Variants in FAM120C observed in about 807,000 individuals in gnomAD.
FAM120C encodes constitutive coactivator of PPAR-gamma-like protein 2.
A neutral mutation model predicts 71.2 loss-of-function variants in FAM120C; 14 were observed. The observed-to-expected ratio is 0.20, with a 90% CI of 0.13 to 0.31. The LOEUF (loss-of-function observed/expected upper bound fraction) is 0.31. Ranked by LOEUF, FAM120C falls within the 10% of genes least tolerant of loss-of-function variation. FAM120C has a pLI of 1.00. For missense variants in FAM120C, 500 were observed against 879.0 expected, an observed-to-expected ratio of 0.57 and a Z score of 5.45; for synonymous variants, 354 against 353.2, an observed-to-expected ratio of 1.00 and a Z score of -0.03.
chrX:54,172,726 TC>T (rs1352931059), intron 1 of FAM120C, among the ~76,000 whole-genome samples: 2 of 111,277 alleles, frequency 1.8e-5, no homozygotes, highest in African/African-American at 6.5e-5. Context: ...TTGAAATGGA[TC>T]CATAAGCTCC....
intron 15 of FAM120C, 62 bp downstream of exon 15, chrX:54,080,170 G>T: frequency 1.0e-6 from 1 of 980,290 alleles, no homozygotes; most frequent in Non-Finnish European, 1.5e-6. Context: ...ATCTCTTTTA[G>T]TTTAGCTGAA....
intron 13 of FAM120C, among the ~76,000 whole-genome samples, chrX:54,083,348 T>A (rs1414503466): frequency 1.9e-5 from 2 of 108,019 alleles, no homozygotes; most frequent in East Asian, 5.8e-4. Flanking sequence ...ACACCTGTAA[T>A]CCCAGCACTT....
chrX:54,163,957 G>C (rs1376804080), intron 1 of FAM120C, among the ~76,000 whole-genome samples: 1 of 106,500 alleles, frequency 9.4e-6, no homozygotes, highest in East Asian at 2.9e-4. Context: ...TTTTGAGACA[G>C]AGTCTCGCTC....
At chrX:54,112,972 A>T (rs1422972955) in intron 10 of FAM120C, among the ~76,000 whole-genome samples, 1 of 111,070 alleles carries the variant, frequency 9.0e-6, no homozygotes, top group Non-Finnish European at 1.9e-5. Flanking sequence ...GTAAGCAGAG[A>T]TCACGCCATT....
chrX:54,127,363 G>A (rs782688352), intron 9 of FAM120C, among the ~76,000 whole-genome samples: 7 of 108,846 alleles, frequency 6.4e-5, no homozygotes, highest in Non-Finnish European at 9.5e-5. Flanking sequence ...AGGCCGAGGC[G>A]GGCGGATCAC....
In FAM120C at chrX:54,174,040, T is replaced by C; in HGVS notation, c.699+8460A>G. 5.9e-6 allele frequency: 3 copies of C among 505,145 alleles called. 1 individual carries two copies. Among genetic ancestry groups the C allele is most frequent in the Middle Eastern group, 6.7e-4 (2 of 2,971 alleles). The allele number at this position is 505,145 out of a possible 1,213,427, so 41.6% of individuals were successfully genotyped here. On this transcript the variant is annotated intron_variant, in intron 1 of 15. Coordinates refer to ENST00000375180, the MANE Select transcript of FAM120C (RefSeq NM_017848.6). ...CAGCAATTCAGTTCCTTGCAGGCTG[T>C]AGTTGGACTGAGGGCCTCAGTTCCT... is the stretch of plus-strand genomic sequence containing the variant.
intron 12 of FAM120C, 32 bp downstream of exon 12, chrX:54,087,723 A>G (rs1557122126): frequency 3.4e-6 from 4 of 1,179,805 alleles, no homozygotes; most frequent in Non-Finnish European, 4.6e-6. Context: ...AGGAGATCAG[A>G]GCTAGTCCTT....
chrX:54,173,410 G>A (rs2067299312), intron 1 of FAM120C, among the ~76,000 whole-genome samples: 1 of 111,505 alleles, frequency 9.0e-6, no homozygotes, highest in South Asian at 3.8e-4. Context: ...CACCACGCCC[G>A]GCTAATTTTG....
intron 1 of FAM120C, among the ~76,000 whole-genome samples, chrX:54,163,329 T>C (rs1383100298): frequency 4.4e-5 from 5 of 112,413 alleles, no homozygotes; most frequent in Non-Finnish European, 9.4e-5. Context: ...GGAAATATTA[T>C]TTGGCAATAA....
chrX:54,079,269 A>C (rs1557121027), intron 15 of FAM120C, among the ~76,000 whole-genome samples: 1 of 108,491 alleles, frequency 9.2e-6, no homozygotes, highest in African/African-American at 3.3e-5. Context: ...TCAAAAAAAA[A>C]AAAAAAAAGA....
chrX:54,152,508 A>G (rs1316363930), intron 3 of FAM120C, among the ~76,000 whole-genome samples: 1 of 111,876 alleles, frequency 8.9e-6, no homozygotes, highest in Non-Finnish European at 1.9e-5. Context: ...TCCGCCTGCC[A>G]TGGCCTCCCA....
chrX:54,094,726 G>A (rs992132914), intron 10 of FAM120C, among the ~76,000 whole-genome samples: 7 of 108,670 alleles, frequency 6.4e-5, no homozygotes, highest in African/African-American at 6.7e-5. Flanking sequence ...GTGAAACCCC[G>A]TCTCTACTAA....
Position 54,167,946 on chromosome X carries a change from C to T in FAM120C, c.700-8330G>A, listed in dbSNP as rs1357215016. Among the ~76,000 whole-genome samples the T allele has an allele frequency of 4.1e-4, 41 of 100,211 alleles. 1 individual carries two copies. Among genetic ancestry groups the T allele is most frequent in the South Asian group, 4.9e-4 (1 of 2,041 alleles). 87.0% of individuals were successfully genotyped at this position (100,211 alleles called of 115,157 possible). On this transcript the variant is annotated intron_variant, in intron 1 of 15. Transcript: ENST00000375180. ...TCGCGCCACTGCACTCCAGCCTGGGCGACAGAGTGAGACTCCGTCTCAAAA... is the reference window on the plus strand; with the variant it reads ...TCGCGCCACTGCACTCCAGCCTGGGTGACAGAGTGAGACTCCGTCTCAAAA...
At chrX:54,080,607 C>T (rs1248383913) in intron 14 of FAM120C, among the ~76,000 whole-genome samples, 3 of 111,727 alleles carry the variant, frequency 2.7e-5, no homozygotes, top group African/African-American at 9.8e-5. Context: ...CACCTGTAAT[C>T]CCAGCACTTT....
At chrX:54,132,916 A>C in intron 8 of FAM120C, 53 bp from the exon 9 acceptor site, 3 of 1,027,863 alleles carry the variant, frequency 2.9e-6, no homozygotes, top group Non-Finnish European at 3.9e-6. Context: ...CTCAAGGTTT[A>C]GAACTGAGCT....
At chrX:54,150,557 A>C (rs1274133146) in intron 4 of FAM120C, among the ~76,000 whole-genome samples, 1 of 111,767 alleles carries the variant, frequency 8.9e-6, no homozygotes, top group Non-Finnish European at 1.9e-5. Flanking sequence ...CCTAAGCTCA[A>C]GTAATCTTCC....
intron 1 of FAM120C, among the ~76,000 whole-genome samples, chrX:54,168,492 T>C (rs2067271656): frequency 8.9e-6 from 1 of 112,454 alleles, no homozygotes; most frequent in Non-Finnish European, 1.9e-5. Context: ...ATGTATTATA[T>C]ACTGCGGCTC....
rs1307128478 is a variant in FAM120C, at chrX:54,072,403, G to A, written c.*630C>T. On this transcript the variant is annotated 3_prime_UTR_variant, in exon 16 of 16. Transcript: ENST00000375180. ...AAAGGCCATTGATAGTTTTTTTGAA[G>A]TGTATAAAATAAAAAATAAAAATTA... The A allele has an allele frequency of 9.1e-6, 1 of 109,952 alleles. No individual in the cohort carries two copies. The highest frequency in any genetic ancestry group is 3.3e-5 in the African/African-American group (1 of 30,127). The allele number at this position is 109,952 out of a possible 1,213,427, so 9.1% of individuals were successfully genotyped here.
intron 14 of FAM120C, among the ~76,000 whole-genome samples, chrX:54,080,842 A>G (rs2066760708): frequency 1.1e-5 from 1 of 93,808 alleles, no homozygotes; most frequent in Non-Finnish European, 2.1e-5. Context: ...GACCTGGGAA[A>G]CAAGTGAAAC....
Sources: gnomAD v4.1 joint callset for allele counts (sites outside exome capture counted in the v4.1 genomes callset) on GRCh38, gnomAD v4.1.1 for gene constraint, MANE v1.5 for transcripts, NCBI Gene and HGNC (gene_info 2026-07-23, HGNC 2026-07-21) for gene names.